The following EXT1 variants were observed in gnomAD, a reference collection of about 807,000 sequenced individuals.
EXT1 encodes the protein exostosin glycosyltransferase 1.
EXT1 carries 20 observed loss-of-function variants against 82.5 expected under a neutral mutation model. The observed-to-expected ratio is 0.24, with a 90% CI of 0.17 to 0.35. The LOEUF is 0.35. Among genes scored for constraint, EXT1 ranks in the 10% least tolerant of loss-of-function variants. The probability of loss-of-function intolerance (pLI) is 1.00; values close to 1 mark genes in which losing one functional copy is unlikely to be tolerated. For synonymous variants in EXT1, 348 were observed against 350.8 expected (o/e 0.99, Z 0.09); for missense variants, 757 against 936.5 (o/e 0.81, Z 2.50).
At chr8:117,959,826 T>A (rs997078216) in intron 1 of EXT1, among the ~76,000 whole-genome samples, 3 of 152,240 alleles carry the variant, frequency 2.0e-5, no homozygotes, top group African/African-American at 7.2e-5. Context: ...CTCTACTTTC[T>A]CTAAAAGATA....
chr8:117,855,825 T>C (rs147899204), intron 1 of EXT1, among the ~76,000 whole-genome samples: 14,314 of 152,062 alleles, frequency 0.094, 934 homozygotes, highest in African/African-American at 0.18. Flanking sequence ...CTCACCACCA[T>C]GCCTGGCTAA....
At chr8:117,955,001 C>T (rs1349110569) in intron 1 of EXT1, among the ~76,000 whole-genome samples, 2 of 152,204 alleles carry the variant, frequency 1.3e-5, no homozygotes, top group African/African-American at 2.4e-5. Context: ...GTCAGGGGAT[C>T]TCATGACTCC....
In EXT1 at chr8:117,928,533, A is replaced by G. The variant is rs76016984; in HGVS notation, c.963-91332T>C. 3.4e-3 allele frequency among the ~76,000 whole-genome samples: 517 copies of G among 152,366 alleles called. 3 individuals carry two copies. Among genetic ancestry groups the G allele is most frequent in the African/African-American group, 0.011 (471 of 41,592 alleles). ...TCAATAGTTTTTATCTTTCAAGGAA[A>G]GAATGCTGTTCTGATAAAAATACTA... On this transcript the variant is annotated intron_variant, in intron 1 of 10. Coordinates refer to ENST00000378204, the MANE Select transcript of EXT1 (RefSeq NM_000127.3).
intron 1 of EXT1, among the ~76,000 whole-genome samples, chr8:117,852,220 C>T (rs768687704): frequency 2.6e-5 from 4 of 152,154 alleles, no homozygotes; most frequent in Admixed American, 6.5e-5. Context: ...CACAATTGCA[C>T]GTTGCCTCCT....
At chr8:118,023,993 T>C (rs1420955361) in intron 1 of EXT1, among the ~76,000 whole-genome samples, 1 of 152,242 alleles carries the variant, frequency 6.6e-6, no homozygotes, top group Non-Finnish European at 1.5e-5. Context: ...AATCTTGCCT[T>C]CAGAGGACTG....
chr8:117,864,748 C>CAA lies in EXT1; in HGVS notation c.963-27549_963-27548dup, dbSNP rs34215192. 1.8e-3 allele frequency among the ~76,000 whole-genome samples: 160 copies of CAA among 87,976 alleles called. 1 individual carries two copies. The highest frequency in any genetic ancestry group is 2.2e-3 in the Non-Finnish European group (103 of 46,164). The allele number at this position is 87,976 out of a possible 152,430, so 57.7% of individuals were successfully genotyped here. ...TGGGCGACAGAGCGAGACTCTGCCT[C>CAA]AAAAAAAAAAAAAAAATCGCAAAAA... is the stretch of plus-strand genomic sequence containing the variant. On this transcript the variant is annotated intron_variant, in intron 1 of 10. Coordinates refer to ENST00000378204, the MANE Select transcript of EXT1 (RefSeq NM_000127.3).
chr8:117,892,171 G>T (rs1445432522), intron 1 of EXT1, among the ~76,000 whole-genome samples: 1 of 152,192 alleles, frequency 6.6e-6, no homozygotes, highest in African/African-American at 2.4e-5. Flanking sequence ...TCTGACAGTG[G>T]TTTCTGTTTC....
intron 1 of EXT1, among the ~76,000 whole-genome samples, chr8:118,078,450 A>G (rs2514753): frequency 0.76 from 115,024 of 151,594 alleles, 44,508 homozygotes; most frequent in African/African-American, 0.92. Context: ...CACCCACCTC[A>G]GCCTCCCAGA....
At chr8:118,059,293 C>T (rs1816845921) in intron 1 of EXT1, among the ~76,000 whole-genome samples, 1 of 152,236 alleles carries the variant, frequency 6.6e-6, no homozygotes, top group East Asian at 1.9e-4. Context: ...AAGCCAGGAA[C>T]TCTCATTTAA....
Position 117,799,304 on chromosome 8 carries a change from T to G in EXT1, c.*408A>C, listed in dbSNP as rs910276522. The G allele has an allele frequency of 1.3e-5, 3 of 234,150 alleles. No individual in the cohort carries two copies. Among genetic ancestry groups the G allele is most frequent in the Non-Finnish European group, 2.6e-5 (3 of 116,626 alleles). 14.5% of individuals were successfully genotyped at this position (234,150 alleles called of 1,614,324 possible). ...AACTGCAGGGCACCCTACATGGCCA[T>G]GACAATGATGTCTGTGGGAAAAGGA... is the stretch of plus-strand genomic sequence containing the variant. On this transcript the variant is annotated 3_prime_UTR_variant, in exon 11 of 11. Coordinates refer to ENST00000378204, the MANE Select transcript of EXT1 (RefSeq NM_000127.3).
At chr8:117,960,619 A>G (rs987139351) in intron 1 of EXT1, among the ~76,000 whole-genome samples, 7 of 152,308 alleles carry the variant, frequency 4.6e-5, no homozygotes, top group Admixed American at 1.3e-4. Context: ...AACTTTCACC[A>G]TGCATAATAA....
intron 1 of EXT1, among the ~76,000 whole-genome samples, chr8:117,918,113 A>T (rs1203751451): frequency 6.6e-6 from 1 of 152,168 alleles, no homozygotes; most frequent in African/African-American, 2.4e-5. Context: ...GCAGCTTTAA[A>T]CAGCACGAGA....
chr8:117,851,509 ATTT>A (rs372921849), intron 1 of EXT1, among the ~76,000 whole-genome samples: 2 of 145,130 alleles, frequency 1.4e-5, no homozygotes, highest in Non-Finnish European at 3.0e-5. Flanking sequence ...CACGTTTCGG[ATTT>A]TTTTTTTTCT....
intron 1 of EXT1, among the ~76,000 whole-genome samples, chr8:118,070,116 A>T (rs1402915689): frequency 6.6e-6 from 1 of 152,188 alleles, no homozygotes; most frequent in Non-Finnish European, 1.5e-5. Flanking sequence ...TTTATACAGT[A>T]ATGTAACACC....
At chr8:118,032,118 C>CAAAACCGCG (rs1816333893) in intron 1 of EXT1, among the ~76,000 whole-genome samples, 1 of 136,046 alleles carries the variant, frequency 7.4e-6, no homozygotes, top group South Asian at 2.7e-4. Context: ...CGGTTTTGGC[C>CAAAACCGCG]ATTACTCAAT....
At chr8:117,827,552 T>G (rs1022091911) in intron 4 of EXT1, among the ~76,000 whole-genome samples, 1 of 152,002 alleles carries the variant, frequency 6.6e-6, no homozygotes, top group Non-Finnish European at 1.5e-5. Context: ...TGGTGGCTCA[T>G]GCCTGTAATC....
intron 1 of EXT1, among the ~76,000 whole-genome samples, chr8:117,979,382 A>AC (rs1195995368): frequency 4.6e-5 from 7 of 151,276 alleles, no homozygotes; most frequent in African/African-American, 1.7e-4. Flanking sequence ...AAACAAACAA[A>AC]AAAACAAAAC....
At chr8:118,053,787 A>G (rs143246355) in intron 1 of EXT1, among the ~76,000 whole-genome samples, 2 of 152,316 alleles carry the variant, frequency 1.3e-5, no homozygotes, top group African/African-American at 4.8e-5. Context: ...CCTTGCTGTC[A>G]ATGCTCTGAA....
At chr8:117,855,937 T>A (rs555139425) in intron 1 of EXT1, among the ~76,000 whole-genome samples, 2 of 152,228 alleles carry the variant, frequency 1.3e-5, no homozygotes, top group African/African-American at 4.8e-5. Flanking sequence ...CCCAAAGTGC[T>A]GGGATTACAG....
Sources: allele counts gnomAD v4.1 joint callset (sites outside exome capture counted in the v4.1 genomes callset), GRCh38; gene constraint gnomAD v4.1.1; transcripts MANE v1.5; gene names NCBI Gene and HGNC (gene_info 2026-07-23, HGNC 2026-07-21).